GEMIN5: variants seen among roughly 807,000 people sequenced by gnomAD.
GEMIN5 encodes gem-associated protein 5.
A neutral mutation model predicts 176.9 loss-of-function variants in GEMIN5; 124 were observed. The observed-to-expected ratio is 0.70, with a 90% CI of 0.61 to 0.81. The LOEUF (loss-of-function observed/expected upper bound fraction) is 0.81, where lower values mean the gene tolerates loss of function less well. Ranked by LOEUF, GEMIN5 falls within the 40% of genes least tolerant of loss-of-function variation. GEMIN5 has a pLI of 0.00. For synonymous variants in GEMIN5, 673 were observed against 665.2 expected (o/e 1.01, Z -0.18); for missense variants, 1,843 against 1,814.6 (o/e 1.02, Z -0.28).
Position 154,891,667 on chromosome 5 carries a change from A to T in GEMIN5, c.3836T>A (p.Phe1279Tyr). The T allele has an allele frequency of 6.2e-7, 1 of 1,612,834 alleles. No individual in the cohort carries two copies. The highest frequency in any genetic ancestry group is 8.5e-7 in the Non-Finnish European group (1 of 1,179,740). Reference sequence around the variant, plus strand: ...TTCATACAGACGCCCATAAAGAAAAAAGGCCTCCAAACTTTTGAAAGCTGG... The same window carrying T: ...TTCATACAGACGCCCATAAAGAAAATAGGCCTCCAAACTTTTGAAAGCTGG... ...ATPAFKSLEAFFLYGRLYEFW... is the reference protein window; with the variant it reads ...ATPAFKSLEAYFLYGRLYEFW... Residue 1279 changes from phenylalanine (F) to tyrosine (Y), a missense_variant, in exon 26 of 28, where the codon TTT becomes TAT. Phe to Tyr is a conservative substitution (Grantham distance 22). Transcript: ENST00000285873.
At chr5:154,896,849 A>G (rs964517024) in intron 23 of GEMIN5, among the ~76,000 whole-genome samples, 2 of 152,222 alleles carry the variant, frequency 1.3e-5, no homozygotes, top group Admixed American at 6.5e-5. Flanking sequence ...GAGAGAAGAA[A>G]ACAGAAGCAC....
chr5:154,889,188 T>G, intron 27 of GEMIN5, 133 bp downstream of exon 27: 1 of 575,492 alleles, frequency 1.7e-6, no homozygotes, highest in East Asian at 2.6e-5. Flanking sequence ...GATTCTAAAT[T>G]CTTAAGCACA....
chr5:154,937,175 C>T lies in GEMIN5; in HGVS notation c.177G>A (p.Glu59=). The T allele has an allele frequency of 1.2e-6, 2 of 1,609,104 alleles. No homozygotes were observed. The highest frequency in any genetic ancestry group is 4.5e-5 in the East Asian group (2 of 44,756). The part of the protein sequence containing the change: ...PGTPPFRVIG[E]LVGHTERVSG... Reference sequence around the variant, plus strand: ...AGACCCTTTCGGTGTGTCCCACCAACTCTCCTATGACTTTAAGCAAAACCA... The same window carrying T: ...AGACCCTTTCGGTGTGTCCCACCAATTCTCCTATGACTTTAAGCAAAACCA... The change falls in exon 2 of 28, where the codon GAG becomes GAA. Residue 59 remains glutamate (E), a synonymous_variant. Coordinates refer to ENST00000285873, the MANE Select transcript of GEMIN5 (RefSeq NM_015465.5).
At chr5:154,931,868 C>A (rs1015418281) in intron 4 of GEMIN5, among the ~76,000 whole-genome samples, 1 of 152,208 alleles carries the variant, frequency 6.6e-6, no homozygotes, top group Non-Finnish European at 1.5e-5. Flanking sequence ...ACAAAATTAG[C>A]TGGGCGTGGT....
intron 9 of GEMIN5, among the ~76,000 whole-genome samples, chr5:154,922,541 T>C (rs1763945805): frequency 2.0e-5 from 3 of 152,324 alleles, no homozygotes; most frequent in Admixed American, 2.0e-4. Flanking sequence ...CACCACTCTC[T>C]GGCTATTACA....
intron 8 of GEMIN5, among the ~76,000 whole-genome samples, chr5:154,924,913 C>T (rs1269930293): frequency 2.6e-5 from 4 of 151,904 alleles, no homozygotes; most frequent in Non-Finnish European, 4.4e-5. Flanking sequence ...GGCGTGAACC[C>T]GGGAGGCGGA....
At chr5:154,928,204 C>A (rs1366317898) in intron 6 of GEMIN5, among the ~76,000 whole-genome samples, 1 of 152,180 alleles carries the variant, frequency 6.6e-6, no homozygotes, top group East Asian at 1.9e-4. Flanking sequence ...AATATTATAA[C>A]CATCTCCCCT....
At chr5:154,898,328 G>A in intron 23 of GEMIN5, 112 bp downstream of exon 23, 2 of 886,526 alleles carry the variant, frequency 2.3e-6, no homozygotes, top group Admixed American at 1.8e-5. Flanking sequence ...GGGCTTGCTG[G>A]GCCTGCCAAA....
At position 154,911,978 on chromosome 5, in the gene GEMIN5, A is replaced by G; in HGVS notation, c.1996-80T>C. ...GGCAGTATGTTTTCTAATTAAAAAC[A>G]AAAAACAAAAAACAAAAACAATCTG... On this transcript the variant is annotated intron_variant, in intron 14 of 27. Transcript: ENST00000285873. 4.1e-6 allele frequency: 5 copies of G among 1,223,032 alleles called. No homozygotes were observed. The South Asian group carries it at 4.8e-5, about 12-fold the overall frequency. 75.8% of individuals were successfully genotyped at this position (1,223,032 alleles called of 1,614,324 possible).
intron 23 of GEMIN5, among the ~76,000 whole-genome samples, chr5:154,896,648 A>T (rs1030821501): frequency 6.6e-6 from 1 of 152,226 alleles, no homozygotes; most frequent in South Asian, 2.1e-4. Context: ...CAGCCACTTA[A>T]GCCTTGTAGC....
intron 15 of GEMIN5, among the ~76,000 whole-genome samples, chr5:154,908,293 G>A (rs1763616541): frequency 6.8e-6 from 1 of 146,196 alleles, no homozygotes; most frequent in Non-Finnish European, 1.5e-5. Context: ...CGATTCTCCT[G>A]CTTCAGCCTC....
At chr5:154,923,212 CT>C (rs1231277887) in intron 9 of GEMIN5, among the ~76,000 whole-genome samples, 1 of 152,046 alleles carries the variant, frequency 6.6e-6, no homozygotes, top group Non-Finnish European at 1.5e-5. Context: ...CCCTGTCTGT[CT>C]CTACTAAAGA....
intron 24 of GEMIN5, among the ~76,000 whole-genome samples, chr5:154,893,505 T>G (rs895469419): frequency 1.3e-5 from 2 of 152,146 alleles, no homozygotes; most frequent in Non-Finnish European, 2.9e-5. Context: ...TTTAAGTATG[T>G]AGTTTGAGAA....
At position 154,938,151 on chromosome 5, in the gene GEMIN5, GAC is replaced by G. The variant is rs747686757; in HGVS notation, c.-20_-19del. Reference sequence around the variant, plus strand: ...TGCCCCATAACTACAAGCCGTCAGAGACAAGAGAAGCTGCCACAGCCGACCGC... The same window carrying G: ...TGCCCCATAACTACAAGCCGTCAGAGAAGAGAAGCTGCCACAGCCGACCGC... On this transcript the variant is annotated 5_prime_UTR_variant, in exon 1 of 28. Transcript: ENST00000285873. The G allele has an allele frequency of 7.4e-7, 1 of 1,357,474 alleles. No individual in the cohort carries two copies. Among genetic ancestry groups the G allele is most frequent in the East Asian group, 2.8e-5 (1 of 35,102 alleles). 84.1% of individuals were successfully genotyped at this position (1,357,474 alleles called of 1,614,324 possible).
At chr5:154,906,140 G>A (rs1200485361) in intron 16 of GEMIN5, among the ~76,000 whole-genome samples, 1 of 152,110 alleles carries the variant, frequency 6.6e-6, no homozygotes, top group Non-Finnish European at 1.5e-5. Flanking sequence ...TAGGACTATA[G>A]GCACAAGCCA....
rs189884393 is a variant in GEMIN5 at position 154,902,380 on chromosome 5, G to T, written c.2866+159C>A. Among the ~76,000 whole-genome samples the T allele has an allele frequency of 3.9e-5, 6 of 152,124 alleles. No homozygotes were observed. In the East Asian group the frequency reaches 1.2e-3, roughly 29 times the overall value. On this transcript the variant is annotated intron_variant, in intron 20 of 27. Coordinates refer to ENST00000285873, the MANE Select transcript of GEMIN5 (RefSeq NM_015465.5). ...CAGTGACCTGCTTTTTTTCAAAGGG[G>T]TTGGGTTGGATTTATTAGTTTGTCT...
rs551089967 is a variant in GEMIN5 at position 154,899,111 on chromosome 5, T to G, written c.3134+80A>C. Reference sequence around the variant, plus strand: ...TGCTGCTTTACCTCCACCTCTAAACTTATTACTTGTATTCTTGTCCTCCCC... The same window carrying G: ...TGCTGCTTTACCTCCACCTCTAAACGTATTACTTGTATTCTTGTCCTCCCC... On this transcript the variant is annotated intron_variant, in intron 22 of 27. Coordinates refer to ENST00000285873, the MANE Select transcript of GEMIN5 (RefSeq NM_015465.5). The G allele has an allele frequency of 2.2e-6, 3 of 1,395,092 alleles. No homozygotes were observed. In the Admixed American group the frequency reaches 6.8e-5, roughly 32 times the overall value. 86.4% of individuals were successfully genotyped at this position (1,395,092 alleles called of 1,614,324 possible). A position where few individuals can be genotyped will look rare whatever the true frequency, so the allele number is the denominator to read the frequency against.
chr5:154,905,584 T>C, intron 16 of GEMIN5, 108 bp from the exon 17 acceptor site: 1 of 489,834 alleles, frequency 2.0e-6, no homozygotes, highest in Non-Finnish European at 3.6e-6. Flanking sequence ...ATATAATCAA[T>C]TCATCTATTA....
At chr5:154,936,724 T>C (rs1044804295) in intron 2 of GEMIN5, among the ~76,000 whole-genome samples, 1 of 152,208 alleles carries the variant, frequency 6.6e-6, no homozygotes, top group African/African-American at 2.4e-5. Context: ...CCATGCCTGT[T>C]GCAACTACTC....
Sources: allele counts gnomAD v4.1 joint callset (sites outside exome capture counted in the v4.1 genomes callset), GRCh38; gene constraint gnomAD v4.1.1; transcripts MANE v1.5; gene names NCBI Gene and HGNC (gene_info 2026-07-23, HGNC 2026-07-21).